The following NRN1 variants were observed in gnomAD, a reference collection of about 807,000 sequenced individuals.
NRN1 encodes the protein neuritin 1.
A neutral mutation model predicts 15.0 loss-of-function variants in NRN1; 4 were observed. That is an observed-to-expected ratio of 0.27 (90% CI 0.13 to 0.61). NRN1 has a LOEUF of 0.61. Ranked by LOEUF, NRN1 falls within the 20% of genes least tolerant of loss-of-function variation. The pLI, the probability that NRN1 is intolerant of heterozygous loss-of-function variation, is 0.87. For missense variants in NRN1, 134 were observed against 181.9 expected (o/e 0.74, Z 1.51); for synonymous variants, 85 against 79.8 (o/e 1.07, Z -0.35).
At chr6:5,999,736 A>G (rs180934858) in intron 2 of NRN1, among the ~76,000 whole-genome samples, 56 of 151,438 alleles carry the variant, frequency 3.7e-4, no homozygotes, top group African/African-American at 1.1e-3. Context: ...CTTCGCCCTC[A>G]TTCTCTCCCT....
chr6:6,000,722 C>CTTTTT lies in NRN1; in HGVS notation c.201-1523_201-1519dup, dbSNP rs55712329. 5.0e-3 allele frequency among the ~76,000 whole-genome samples: 303 copies of CTTTTT among 60,848 alleles called. 50 individuals carry two copies. The highest frequency in any genetic ancestry group is 0.014 in the African/African-American group (211 of 14,962). The allele number at this position is 60,848 out of a possible 152,430, so 39.9% of individuals were successfully genotyped here. ...CCTGCTAAAGGATGCCTAAATTGCTCTTTTTTTTTTTTTTTTTTTTTTTTT... is the reference window on the plus strand; with the variant it reads ...CCTGCTAAAGGATGCCTAAATTGCTCTTTTTTTTTTTTTTTTTTTTTTTTTTTTTT... On this transcript the variant is annotated intron_variant, in intron 2 of 2. Coordinates refer to ENST00000244766, the MANE Select transcript of NRN1 (RefSeq NM_016588.3).
In NRN1 at chr6:5,998,839, T is replaced by A. The variant is rs1757841910; in HGVS notation, c.*137A>T. 3.1e-6 allele frequency: 2 copies of A among 638,438 alleles called. No homozygotes were observed. The highest frequency in any genetic ancestry group is 5.4e-6 in the Non-Finnish European group (2 of 371,702). The allele number at this position is 638,438 out of a possible 1,614,324, so 39.5% of individuals were successfully genotyped here. ...AACGAAATAAAAAAGAGAATCAGGA[T>A]TTCCCACAATCCTATATGAGTGTTT... On this transcript the variant is annotated 3_prime_UTR_variant, in exon 3 of 3. Coordinates refer to ENST00000244766, the MANE Select transcript of NRN1 (RefSeq NM_016588.3).
At position 5,999,167 on chromosome 6, in the gene NRN1, G is replaced by A; in HGVS notation, c.238C>T (p.Leu80Phe). 2 of 1,614,098 alleles carry A rather than the reference G, an allele frequency of 1.2e-6. No individual in the cohort carries two copies. The highest frequency in any genetic ancestry group is 1.7e-6 in the Non-Finnish European group (2 of 1,180,014). ...EDFHSCTVTA[L>F]TDCQEGAKDM... Reference sequence around the variant, plus strand: ...TTCGCCCCTTCCTGGCAATCCGTAAGGGCTGTGACCGTGCAGCTGTGGAAA... The same window carrying A: ...TTCGCCCCTTCCTGGCAATCCGTAAAGGCTGTGACCGTGCAGCTGTGGAAA... Residue 80 changes from leucine to phenylalanine, a missense_variant, in exon 3 of 3, where the codon CTT becomes TTT. Transcript: ENST00000244766.
intron 1 of NRN1, chr6:6,002,845 T>C: frequency 2.6e-6 from 1 of 380,578 alleles, no homozygotes; most frequent in Non-Finnish European, 4.7e-6. Flanking sequence ...CCCTTTTATT[T>C]CTCTTTCTCC....
At chr6:6,000,748 T>TTTTTTTTTTTTG (rs1554145373) in intron 2 of NRN1, among the ~76,000 whole-genome samples, 1 of 99,102 alleles carries the variant, frequency 1.0e-5, no homozygotes, top group Non-Finnish European at 2.0e-5. Flanking sequence ...TTTTTTTTTT[T>TTTTTTTTTTTTG]ATGTACGCCC....
chr6:6,005,466 C>G (rs1758083951), intron 1 of NRN1, among the ~76,000 whole-genome samples: 1 of 152,206 alleles, frequency 6.6e-6, no homozygotes, highest in South Asian at 2.1e-4. Flanking sequence ...TATAAAATCT[C>G]AAAATCATGT....
chr6:6,003,572 T>C, intron 1 of NRN1: 1 of 621,446 alleles, frequency 1.6e-6, no homozygotes, highest in Non-Finnish European at 2.3e-6. Flanking sequence ...CAGGCAGGGA[T>C]AAAAGCTGAG....
chr6:5,998,905 G>C lies in NRN1; in HGVS notation c.*71C>G. 1 of 1,086,984 alleles carries C rather than the reference G, an allele frequency of 9.2e-7. No individual in the cohort carries two copies. The highest frequency in any genetic ancestry group is 1.5e-5 in the African/African-American group (1 of 64,532). The allele number at this position is 1,086,984 out of a possible 1,614,324, so 67.3% of individuals were successfully genotyped here. ...ATCACAACGTCCCCAAAGAACTAAT[G>C]GATCTTCCTCTCGATTTCCGGGAGC... On this transcript the variant is annotated 3_prime_UTR_variant, in exon 3 of 3. Transcript: ENST00000244766.
At position 5,998,971 on chromosome 6, in the gene NRN1, C is replaced by G; in HGVS notation, c.*5G>C. 4 of 1,605,892 alleles carry G rather than the reference C, an allele frequency of 2.5e-6. No homozygotes were observed. Among genetic ancestry groups the G allele is most frequent in the Non-Finnish European group, 3.4e-6 (4 of 1,176,142 alleles). On this transcript the variant is annotated 3_prime_UTR_variant, in exon 3 of 3. Coordinates refer to ENST00000244766, the MANE Select transcript of NRN1 (RefSeq NM_016588.3). ...GTGGGCGCGCGGGGGGAGCTGGCCC[C>G]ACGCTCAGAAGGAAAGCCAGGTCGC...
At chr6:6,001,791 G>T (rs757016946) in intron 2 of NRN1, among the ~76,000 whole-genome samples, 2 of 152,212 alleles carry the variant, frequency 1.3e-5, no homozygotes, top group African/African-American at 2.4e-5. Flanking sequence ...GTATCTCCTT[G>T]CCTGTGCCGG....
intron 1 of NRN1, chr6:6,003,337 A>G (rs996624249): frequency 9.2e-6 from 9 of 974,776 alleles, no homozygotes; most frequent in Admixed American, 8.6e-5. Flanking sequence ...TCACCTCCGC[A>G]AAGGCCAAAT....
At chr6:6,002,861 C>T (rs1456520158) in intron 1 of NRN1, 3 of 381,964 alleles carry the variant, frequency 7.9e-6, no homozygotes, top group African/African-American at 6.2e-5. Context: ...TCTCCTCGCT[C>T]CCTCCTTCGT....
At position 5,998,661 on chromosome 6, in the gene NRN1, C is replaced by CA. The variant is rs199548533; in HGVS notation, c.*314dup. ...GCCGTTCCTGAGATTCTTTTGCCAA[C>CA]AAAAAAAATTAATAATAATAAAATT... is the stretch of plus-strand genomic sequence containing the variant. On this transcript the variant is annotated 3_prime_UTR_variant, in exon 3 of 3. Coordinates refer to ENST00000244766, the MANE Select transcript of NRN1 (RefSeq NM_016588.3). 324 of 206,986 alleles carry CA rather than the reference C, an allele frequency of 1.6e-3. 1 individual carries two copies. The highest frequency in any genetic ancestry group is 7.7e-3 in the Middle Eastern group (4 of 518). The allele number at this position is 206,986 out of a possible 1,614,324, so 12.8% of individuals were successfully genotyped here.
In NRN1 at chr6:6,000,366, C is replaced by G. The variant is rs142468020; in HGVS notation, c.201-1162G>C. The stretch of plus-strand genomic sequence containing the variant: ...ATCCTGAGACTAAATATAATCCCAA[C>G]CCGTGATCGATTCCTGGGGCGCTGT... On this transcript the variant is annotated intron_variant, in intron 2 of 2. Coordinates refer to ENST00000244766, the MANE Select transcript of NRN1 (RefSeq NM_016588.3). Among the ~76,000 whole-genome samples, 77 of 152,310 alleles carry G rather than the reference C, an allele frequency of 5.1e-4. 1 individual carries two copies. In the East Asian group the frequency reaches 0.014, roughly 28 times the overall value.
intron 2 of NRN1, among the ~76,000 whole-genome samples, chr6:5,999,635 T>G (rs1425439195): frequency 6.6e-6 from 1 of 152,216 alleles, no homozygotes; most frequent in Non-Finnish European, 1.5e-5. Flanking sequence ...GGTTACTAGC[T>G]CTGAGCACGG....
chr6:6,002,597 T>C, intron 1 of NRN1, 100 bp from the exon 2 acceptor site: 1 of 1,476,376 alleles, frequency 6.8e-7, no homozygotes, highest in Non-Finnish European at 9.1e-7. Context: ...CCTCATCGCA[T>C]CGGGCGGCCT....
intron 2 of NRN1, among the ~76,000 whole-genome samples, chr6:6,001,802 C>T (rs112835696): frequency 5.3e-5 from 8 of 152,316 alleles, no homozygotes; most frequent in Middle Eastern, 3.4e-3. Context: ...CCTGTGCCGG[C>T]ATTTCCTTGG....
At chr6:6,005,211 A>G (rs755145289) in intron 1 of NRN1, among the ~76,000 whole-genome samples, 6 of 152,116 alleles carry the variant, frequency 3.9e-5, no homozygotes, top group Non-Finnish European at 5.9e-5. Context: ...TAAAATTTCT[A>G]TCTCAAAAAC....
chr6:6,002,184 A>T (rs982061960), intron 2 of NRN1, among the ~76,000 whole-genome samples, 169 bp downstream of exon 2: 1 of 152,174 alleles, frequency 6.6e-6, no homozygotes, highest in Non-Finnish European at 1.5e-5. Context: ...CGCAGGTTCT[A>T]ACCCGGGGGC....
Sources: gnomAD v4.1 joint callset for allele counts (sites outside exome capture counted in the v4.1 genomes callset) on GRCh38, gnomAD v4.1.1 for gene constraint, MANE v1.5 for transcripts, NCBI Gene and HGNC (gene_info 2026-07-23, HGNC 2026-07-21) for gene names.